Variants in MYO6 observed in about 807,000 individuals in gnomAD.
MYO6 encodes myosin VI.
A neutral mutation model predicts 178.7 loss-of-function variants in MYO6; 74 were observed. The observed-to-expected ratio is 0.41, with a 90% confidence interval of 0.34 to 0.50. MYO6 has a LOEUF of 0.50. MYO6 is among the 20% of genes least tolerant of loss of function. The probability of loss-of-function intolerance (pLI) is 0.09; values close to 1 mark genes in which losing one functional copy is unlikely to be tolerated. For synonymous variants in MYO6, 477 were observed against 504.6 expected, an observed-to-expected ratio of 0.95 and a Z score of 0.73; for missense variants, 1,330 against 1,547.4, an observed-to-expected ratio of 0.86 and a Z score of 2.36.
At chr6:75,789,189 A>G (rs1024904799) in intron 1 of MYO6, among the ~76,000 whole-genome samples, 28 of 152,180 alleles carry the variant, frequency 1.8e-4, no homozygotes, top group African/African-American at 5.1e-4. Context: ...TGAATCTAAA[A>G]TATCATGAAT....
At chr6:75,856,950 T>G in intron 12 of MYO6, 147 bp from the exon 13 acceptor site, 1 of 677,846 alleles carries the variant, frequency 1.5e-6, no homozygotes, top group South Asian at 1.9e-5. Context: ...GTTTTCTACT[T>G]AGCCCCATTT....
In MYO6 at chr6:75,776,934, C is replaced by T. The variant is rs115554225; in HGVS notation, c.-48+27511C>T. Reference sequence around the variant, plus strand: ...GCTCATGTTGGAAGATAAAGATTCACCTTACTTTAAAAAATTATTGCATGA... The same window carrying T: ...GCTCATGTTGGAAGATAAAGATTCATCTTACTTTAAAAAATTATTGCATGA... On this transcript the variant is annotated intron_variant, in intron 1 of 34. Coordinates refer to ENST00000369977, the MANE Select transcript of MYO6 (RefSeq NM_004999.4). 2.4e-3 allele frequency among the ~76,000 whole-genome samples: 361 copies of T among 152,150 alleles called. 1 individual carries two copies. Among genetic ancestry groups the T allele is most frequent in the African/African-American group, 8.2e-3 (339 of 41,502 alleles).
chr6:75,810,247 G>C (rs1369101845), intron 1 of MYO6, among the ~76,000 whole-genome samples: 1 of 152,152 alleles, frequency 6.6e-6, no homozygotes, highest in African/African-American at 2.4e-5. Context: ...GGAAATGCCT[G>C]GCTGCATTAA....
chr6:75,858,020 T>C (rs1370174020), intron 13 of MYO6, among the ~76,000 whole-genome samples: 1 of 152,096 alleles, frequency 6.6e-6, no homozygotes, highest in African/African-American at 2.4e-5. Flanking sequence ...ATACGTATTT[T>C]AAACTTTATA....
intron 15 of MYO6, 58 bp from the exon 16 acceptor site, chr6:75,862,538 A>C: frequency 6.8e-7 from 1 of 1,467,744 alleles, no homozygotes; most frequent in Non-Finnish European, 9.5e-7. Flanking sequence ...AATTGTTCAC[A>C]TATCTTTAAA....
intron 26 of MYO6, among the ~76,000 whole-genome samples, chr6:75,891,004 G>T (rs1778863954): frequency 6.6e-6 from 1 of 152,110 alleles, no homozygotes; most frequent in African/African-American, 2.4e-5. Flanking sequence ...TTCATCTAGA[G>T]ATGTTAAAAG....
chr6:75,887,557 C>G (rs1393467492), intron 25 of MYO6, among the ~76,000 whole-genome samples: 1 of 144,672 alleles, frequency 6.9e-6, no homozygotes, highest in African/African-American at 2.6e-5. Context: ...AGGAGAATCG[C>G]TTGAACCTGG....
rs1781200224 is a variant in MYO6 at position 75,917,795 on chromosome 6, AG to A, written c.*2784del. On this transcript the variant is annotated 3_prime_UTR_variant, in exon 35 of 35. Coordinates refer to ENST00000369977, the MANE Select transcript of MYO6 (RefSeq NM_004999.4). The stretch of plus-strand genomic sequence containing the variant: ...GCAAGAATAATGGTATTGTTTGTAG[AG>A]CTTTATTAATTGGATATTTTTTAAA... The A allele has an allele frequency of 6.6e-6, 1 of 152,626 alleles. No homozygotes were observed. Among genetic ancestry groups the A allele is most frequent in the African/African-American group, 2.4e-5 (1 of 41,446 alleles). The allele number at this position is 152,626 out of a possible 1,614,324, so 9.5% of individuals were successfully genotyped here.
At chr6:75,800,259 GTCAA>G (rs896802200) in intron 1 of MYO6, among the ~76,000 whole-genome samples, 1 of 152,112 alleles carries the variant, frequency 6.6e-6, no homozygotes, top group Non-Finnish European at 1.5e-5. Context: ...AGGTAAGTGA[GTCAA>G]CATAATCACT....
chr6:75,769,244 T>C (rs1778708938), intron 1 of MYO6, among the ~76,000 whole-genome samples: 1 of 152,194 alleles, frequency 6.6e-6, no homozygotes, highest in Non-Finnish European at 1.5e-5. Context: ...TTTCACATCG[T>C]AAAATACAAT....
chr6:75,754,134 G>C (rs1171372719), intron 1 of MYO6, among the ~76,000 whole-genome samples: 2 of 152,068 alleles, frequency 1.3e-5, no homozygotes, highest in Non-Finnish European at 2.9e-5. Context: ...ATTCACATGG[G>C]GTAAATATGA....
intron 30 of MYO6, among the ~76,000 whole-genome samples, chr6:75,903,719 C>G (rs1335705831): frequency 2.6e-5 from 4 of 151,910 alleles, no homozygotes; most frequent in African/African-American, 9.7e-5. Context: ...AGCATTTATT[C>G]CATTTACATT....
At chr6:75,886,805 A>G (rs949904319) in intron 24 of MYO6, 39 bp from the exon 25 acceptor site, 12 of 1,603,028 alleles carry the variant, frequency 7.5e-6, no homozygotes, top group Non-Finnish European at 1.0e-5. Flanking sequence ...AAAGTACTAA[A>G]GGATGAAATT....
chr6:75,848,267 A>T, intron 10 of MYO6, 84 bp from the exon 11 acceptor site: 3 of 1,204,602 alleles, frequency 2.5e-6, no homozygotes, highest in Non-Finnish European at 3.7e-6. Flanking sequence ...CATGTTATAT[A>T]GTGCATTAAT....
intron 1 of MYO6, among the ~76,000 whole-genome samples, chr6:75,784,283 A>G (rs930803853): frequency 6.6e-6 from 1 of 151,702 alleles, no homozygotes; most frequent in Non-Finnish European, 1.5e-5. Flanking sequence ...GACTTTTTAT[A>G]TGAGTAGCCA....
intron 32 of MYO6, among the ~76,000 whole-genome samples, chr6:75,909,913 A>C (rs905393324): frequency 2.3e-4 from 35 of 152,196 alleles, no homozygotes; most frequent in African/African-American, 8.2e-4. Context: ...TAATAGTGGA[A>C]TTCTAGTGTT....
At chr6:75,872,275 C>T (rs563656995) in intron 19 of MYO6, among the ~76,000 whole-genome samples, 3 of 152,302 alleles carry the variant, frequency 2.0e-5, no homozygotes, top group South Asian at 2.1e-4. Context: ...CTCAACAATA[C>T]GTTTCATTGT....
intron 1 of MYO6, among the ~76,000 whole-genome samples, chr6:75,774,077 G>A (rs1420402371): frequency 6.6e-6 from 1 of 152,144 alleles, no homozygotes; most frequent in Admixed American, 6.5e-5. Flanking sequence ...TTATCATAAT[G>A]ATACTACTGT....
chr6:75,810,727 T>C (rs1480292255), intron 1 of MYO6, among the ~76,000 whole-genome samples: 1 of 152,170 alleles, frequency 6.6e-6, no homozygotes, highest in Non-Finnish European at 1.5e-5. Flanking sequence ...TTTAGCAGGA[T>C]TCTTGCTAAA....
Sources: gnomAD v4.1 joint callset for allele counts (sites outside exome capture counted in the v4.1 genomes callset) on GRCh38, gnomAD v4.1.1 for gene constraint, MANE v1.5 for transcripts, NCBI Gene and HGNC (gene_info 2026-07-23, HGNC 2026-07-21) for gene names.